The following XKR7 variants were observed in gnomAD, a reference collection of about 807,000 sequenced individuals.
XKR7 encodes the protein XK-related protein 7.
A neutral mutation model predicts 42.2 loss-of-function variants in XKR7; 11 were observed. The observed-to-expected ratio is 0.26, with a 90% CI of 0.16 to 0.43. The LOEUF is 0.43. Among genes scored for constraint, XKR7 ranks in the 20% least tolerant of loss-of-function variants. The probability of loss-of-function intolerance (pLI) is 1.00; values close to 1 mark genes in which losing one functional copy is unlikely to be tolerated. For synonymous variants in XKR7, 346 were observed against 366.4 expected (o/e 0.94, Z 0.64); for missense variants, 710 against 802.2 (o/e 0.89, Z 1.39).
chr20:31,976,235 T>C (rs2064484082), intron 1 of XKR7, among the ~76,000 whole-genome samples: 1 of 152,170 alleles, frequency 6.6e-6, no homozygotes, highest in Non-Finnish European at 1.5e-5. Flanking sequence ...GGAGCAAAGC[T>C]AGGGTTTGAA....
intron 2 of XKR7, among the ~76,000 whole-genome samples, 160 bp from the exon 3 acceptor site, chr20:31,996,345 C>T (rs547578662): frequency 8.2e-4 from 125 of 152,118 alleles, no homozygotes; most frequent in Non-Finnish European, 1.3e-3. Flanking sequence ...TTGAAGCTCC[C>T]CACCTCCCAG....
intron 1 of XKR7, among the ~76,000 whole-genome samples, chr20:31,975,965 C>T (rs992571212): frequency 6.6e-6 from 1 of 152,236 alleles, no homozygotes; most frequent in Non-Finnish European, 1.5e-5. Flanking sequence ...ACCCAAAACC[C>T]TGGCTCTGCC....
intron 1 of XKR7, among the ~76,000 whole-genome samples, chr20:31,981,446 C>A (rs1340988139): frequency 6.6e-6 from 1 of 152,100 alleles, no homozygotes; most frequent in African/African-American, 2.4e-5. Flanking sequence ...AATCCCAGCC[C>A]TTTGGGAGGC....
Position 31,968,151 on chromosome 20 carries a change from G to C in XKR7, c.-25G>C. The C allele has an allele frequency of 6.0e-6, 7 of 1,164,448 alleles. No homozygotes were observed. The highest frequency in any genetic ancestry group is 7.4e-6 in the Non-Finnish European group (7 of 943,868). The allele number at this position is 1,164,448 out of a possible 1,614,324, so 72.1% of individuals were successfully genotyped here. ...CACCCCCCTCCGCCGCCCGGAAGTC[G>C]CTCCCCGCCTCCCTCTCCGCCAACA... On this transcript the variant is annotated 5_prime_UTR_variant, in exon 1 of 3. Coordinates refer to ENST00000562532, the MANE Select transcript of XKR7 (RefSeq NM_001011718.2). This position sits in a 1 kb window ranked among gnomAD's most constrained non-coding sequence, Gnocchi z 4.5.
rs1220991045 is a variant in XKR7, at chr20:31,995,176, G to A, written c.693G>A (p.Leu231=). 1 of 1,550,462 alleles carries A rather than the reference G, an allele frequency of 6.4e-7. No homozygotes were observed. The change falls in exon 2 of 3, where the codon CTG becomes CTA. Residue 231 remains leucine (L), a synonymous_variant. Transcript: ENST00000562532. This position sits in a 1 kb window ranked among gnomAD's most constrained non-coding sequence, Gnocchi z 4.1. ...TCGAGAGCGCCGACGTGAGCATGCT[G>A]CGCTTGCTGGAGACCTTCCTGCGCA... is the stretch of plus-strand genomic sequence containing the variant. ...MLFESADVSM[L]RLLETFLRSA... is the part of the protein sequence containing the mutation.
chr20:31,984,168 C>T (rs547932022), intron 1 of XKR7, among the ~76,000 whole-genome samples: 32 of 149,286 alleles, frequency 2.1e-4, no homozygotes, highest in Non-Finnish European at 3.8e-4. Context: ...GGCTGAGGCA[C>T]GAAAATCACC....
At chr20:31,986,328 A>G in intron 1 of XKR7, among the ~76,000 whole-genome samples, 1 of 127,028 alleles carries the variant, frequency 7.9e-6, no homozygotes, top group Non-Finnish European at 1.6e-5. Context: ...AGACCACCAA[A>G]CAGATCCAAC....
chr20:31,972,003 A>G (rs2064467803), intron 1 of XKR7, among the ~76,000 whole-genome samples: 1 of 152,236 alleles, frequency 6.6e-6, no homozygotes, highest in African/African-American at 2.4e-5. Flanking sequence ...AATAGTGTCA[A>G]CCAAAGGAAA....
At chr20:31,990,907 G>A (rs148250434) in intron 1 of XKR7, among the ~76,000 whole-genome samples, 24 of 152,272 alleles carry the variant, frequency 1.6e-4, no homozygotes, top group Admixed American at 3.3e-4. Flanking sequence ...GGGGCAGAGC[G>A]AGGCAGAACC....
At position 31,997,391 on chromosome 20, in the gene XKR7, G is replaced by A. The variant is rs146617810; in HGVS notation, c.1674G>A (p.Thr558=). Residue 558 remains threonine, a synonymous_variant, in exon 3 of 3, where the codon ACG becomes ACA. Transcript: ENST00000562532. ...ILALEYSSPA[T]PRLQYRSVGT... ...CACTGGAGTACTCCTCACCTGCCAC[G>A]CCCCGGTTGCAGTACCGGAGTGTGG... 1,490 of 1,600,128 alleles carry A rather than the reference G, an allele frequency of 9.3e-4. 18 individuals carry two copies. The African/African-American group carries it at 0.017, about 18-fold the overall frequency.
chr20:31,985,551 C>G (rs2122266289), intron 1 of XKR7, among the ~76,000 whole-genome samples: 1 of 152,212 alleles, frequency 6.6e-6, no homozygotes, highest in East Asian at 1.9e-4. Context: ...AAGACACAGA[C>G]AGACAGACCA....
intron 1 of XKR7, among the ~76,000 whole-genome samples, chr20:31,981,980 AC>A: frequency 6.6e-6 from 1 of 152,226 alleles, no homozygotes; most frequent in African/African-American, 2.4e-5. Flanking sequence ...TGACTGCCAC[AC>A]CCTTCCCAAG....
chr20:31,974,843 T>C (rs1256462409), intron 1 of XKR7, among the ~76,000 whole-genome samples: 3 of 151,626 alleles, frequency 2.0e-5, no homozygotes, highest in African/African-American at 7.3e-5. Context: ...CTGCTCTGCC[T>C]TTGTAGGGTT....
At chr20:31,978,389 C>T (rs1190645764) in intron 1 of XKR7, among the ~76,000 whole-genome samples, 1 of 152,214 alleles carries the variant, frequency 6.6e-6, no homozygotes, top group Non-Finnish European at 1.5e-5. Context: ...GGATTGCAGG[C>T]GTGAGCCACT....
At position 31,995,313 on chromosome 20, in the gene XKR7, C is replaced by T. The variant is rs375919962; in HGVS notation, c.787+43C>T. ...CCCTCTGCGCCTGGGACCACCCCACCGGGCCTTTCTCCCTGCTTCAGGCTC... is the reference window on the plus strand; with the variant it reads ...CCCTCTGCGCCTGGGACCACCCCACTGGGCCTTTCTCCCTGCTTCAGGCTC... On this transcript the variant is annotated intron_variant, in intron 2 of 2. Coordinates refer to ENST00000562532, the MANE Select transcript of XKR7 (RefSeq NM_001011718.2). This position sits in a 1 kb window ranked among gnomAD's most constrained non-coding sequence, Gnocchi z 4.1. 16 of 1,531,470 alleles carry T rather than the reference C, an allele frequency of 1.0e-5. No individual in the cohort carries two copies. Among genetic ancestry groups the T allele is most frequent in the African/African-American group, 6.9e-5 (5 of 72,620 alleles). 94.9% of individuals were successfully genotyped at this position (1,531,470 alleles called of 1,614,324 possible).
intron 1 of XKR7, among the ~76,000 whole-genome samples, chr20:31,987,803 G>A (rs952667779): frequency 3.3e-5 from 5 of 152,206 alleles, no homozygotes; most frequent in Non-Finnish European, 1.5e-5. Context: ...CTAAGGGCAG[G>A]CAGACAGGCT....
rs779012471 is a variant in XKR7, at chr20:31,996,662, G to A, written c.945G>A (p.Leu315=). The part of the protein sequence containing the change: ...WHLFSIAARG[L]AFALFASVYK... ...TGTTCAGCATTGCCGCCCGCGGCCT[G>A]GCCTTCGCGCTCTTCGCCAGCGTCT... The change falls in exon 3 of 3, where the codon CTG becomes CTA. Residue 315 remains leucine, a synonymous_variant. Coordinates refer to ENST00000562532, the MANE Select transcript of XKR7 (RefSeq NM_001011718.2). 1.0e-5 allele frequency: 16 copies of A among 1,599,042 alleles called. No individual in the cohort carries two copies. Among genetic ancestry groups the A allele is most frequent in the Non-Finnish European group, 1.3e-5 (15 of 1,171,344 alleles).
At chr20:31,988,278 A>G (rs2122271311) in intron 1 of XKR7, among the ~76,000 whole-genome samples, 1 of 152,238 alleles carries the variant, frequency 6.6e-6, no homozygotes, top group East Asian at 1.9e-4. Context: ...TGCCCATTAG[A>G]GAGCAGCCCC....
Position 31,996,668 on chromosome 20 carries a change from C to T in XKR7, c.951C>T (p.Phe317=), listed in dbSNP as rs1055834675. 3.1e-6 allele frequency: 5 copies of T among 1,602,346 alleles called. No homozygotes were observed. The African/African-American group carries it at 4.0e-5, about 13-fold the overall frequency. ...LFSIAARGLA[F]ALFASVYKLY... ...GCATTGCCGCCCGCGGCCTGGCCTT[C>T]GCGCTCTTCGCCAGCGTCTACAAGC... is the stretch of plus-strand genomic sequence containing the variant. Residue 317 remains phenylalanine, a synonymous_variant, in exon 3 of 3, where the codon TTC becomes TTT. Coordinates refer to ENST00000562532, the MANE Select transcript of XKR7 (RefSeq NM_001011718.2).
Sources: allele counts gnomAD v4.1 joint callset (sites outside exome capture counted in the v4.1 genomes callset), GRCh38; gene constraint gnomAD v4.1.1; non-coding constraint Gnocchi (gnomAD v3.1); transcripts MANE v1.5; gene names NCBI Gene and HGNC (gene_info 2026-07-23, HGNC 2026-07-21).